Variants in PPARGC1A observed in about 807,000 individuals in gnomAD.
The protein encoded by PPARGC1A is PPARG coactivator 1 alpha, also known as peroxisome proliferator-activated receptor gamma coactivator 1-alpha.
In PPARGC1A, 25 loss-of-function variants were observed where a neutral mutation model predicts 88.7. The observed-to-expected ratio is 0.28, with a 90% confidence interval of 0.21 to 0.39. The LOEUF (loss-of-function observed/expected upper bound fraction) is 0.39. PPARGC1A is among the 10% of genes least tolerant of loss of function. The pLI, the probability that PPARGC1A is intolerant of heterozygous loss-of-function variation, is 1.00. For synonymous variants in PPARGC1A, 363 were observed against 355.6 expected, an observed-to-expected ratio of 1.02 and a Z score of -0.24; for missense variants, 880 against 968.7, an observed-to-expected ratio of 0.91 and a Z score of 1.22.
chr4:24,307,208 ATG>A, the PPARGC1A span, among the ~76,000 whole-genome samples: 1 of 152,164 alleles, frequency 6.6e-6, no homozygotes, highest in South Asian at 2.1e-4. Context: ...CAGCAGTACC[ATG>A]GAAAGGGGAT....
the PPARGC1A span, among the ~76,000 whole-genome samples, chr4:24,447,166 C>T: frequency 1.3e-5 from 2 of 152,164 alleles, no homozygotes; most frequent in Non-Finnish European, 2.9e-5. Flanking sequence ...CACTCTCCTC[C>T]CTCCCCTGCC....
chr4:23,900,114 T>C (rs1185262463), upstream of PPARGC1A, among the ~76,000 whole-genome samples: 1 of 152,196 alleles, frequency 6.6e-6, no homozygotes, highest in Non-Finnish European at 1.5e-5. Context: ...ACTTGATGTC[T>C]AGGCTTGTTT....
intron 2 of PPARGC1A, among the ~76,000 whole-genome samples, chr4:23,878,308 T>G (rs2148810104): frequency 6.6e-6 from 1 of 151,522 alleles, no homozygotes; most frequent in African/African-American, 2.4e-5. Flanking sequence ...ACATTCTCAC[T>G]TTGCAAACTG....
chr4:24,457,132 A>G, the PPARGC1A span, among the ~76,000 whole-genome samples: 2 of 152,198 alleles, frequency 1.3e-5, no homozygotes, highest in African/African-American at 4.8e-5. Flanking sequence ...GATTATGGCA[A>G]AGGAATGTTT....
chr4:23,998,671 GAT>G, the PPARGC1A span, among the ~76,000 whole-genome samples: 1 of 152,140 alleles, frequency 6.6e-6, no homozygotes, highest in Non-Finnish European at 1.5e-5. Flanking sequence ...GCCAGATATA[GAT>G]ATAATTTTGT....
At position 23,869,746 on chromosome 4, in the gene PPARGC1A, G is replaced by A. The variant is rs557881622; in HGVS notation, c.234+15006C>T. Among the ~76,000 whole-genome samples, 7 of 152,262 alleles carry A rather than the reference G, an allele frequency of 4.6e-5. No homozygotes were observed. The East Asian group carries it at 1.4e-3, about 29-fold the overall frequency. On this transcript the variant is annotated intron_variant, in intron 2 of 12. Coordinates refer to ENST00000264867, the MANE Select transcript of PPARGC1A (RefSeq NM_013261.5). ...ATGCTCCAGATGAATATTTACAAGT[G>A]AGTTGTGCATTGCTGGGGTGGTGGC...
chr4:24,236,307 C>T, the PPARGC1A span, among the ~76,000 whole-genome samples: 1 of 152,178 alleles, frequency 6.6e-6, no homozygotes, highest in Admixed American at 6.5e-5. Context: ...CATGTATTCT[C>T]TTGTGGGCTT....
chr4:24,219,249 C>T, the PPARGC1A span, among the ~76,000 whole-genome samples: 10 of 152,190 alleles, frequency 6.6e-5, no homozygotes, highest in East Asian at 9.6e-4. Flanking sequence ...AGCACACCAA[C>T]GGGGTGGTCA....
the PPARGC1A span, among the ~76,000 whole-genome samples, chr4:24,227,782 A>G: frequency 2.6e-5 from 4 of 152,170 alleles, no homozygotes; most frequent in African/African-American, 7.2e-5. Flanking sequence ...AAAATCAGAC[A>G]TTAATGAAAA....
the PPARGC1A span, among the ~76,000 whole-genome samples, chr4:24,341,776 A>G: frequency 6.6e-6 from 1 of 152,224 alleles, no homozygotes; most frequent in Non-Finnish European, 1.5e-5. Flanking sequence ...CAACACACAC[A>G]TTCCATGAAA....
the PPARGC1A span, among the ~76,000 whole-genome samples, chr4:24,018,223 C>T: frequency 6.6e-6 from 1 of 152,186 alleles, no homozygotes; most frequent in Non-Finnish European, 1.5e-5. Flanking sequence ...TTAGACCCAA[C>T]TATTTCAATA....
At chr4:24,420,639 C>T in the PPARGC1A span, among the ~76,000 whole-genome samples, 2 of 152,118 alleles carry the variant, frequency 1.3e-5, no homozygotes, top group Non-Finnish European at 2.9e-5. Context: ...CTGAGATCCA[C>T]CCTAGACTAA....
the PPARGC1A span, among the ~76,000 whole-genome samples, chr4:24,261,327 C>A: frequency 6.6e-6 from 1 of 152,178 alleles, no homozygotes; most frequent in Non-Finnish European, 1.5e-5. Context: ...GAGCAAATGG[C>A]TCAATCTTCA....
At chr4:23,892,974 C>A (rs1282325697), upstream of PPARGC1A, among the ~76,000 whole-genome samples, 2 of 152,152 alleles carry the variant, frequency 1.3e-5, no homozygotes, top group Admixed American at 6.6e-5. Flanking sequence ...TTGACCACTG[C>A]AGTTCACACC....
At chr4:24,228,632 C>T in the PPARGC1A span, among the ~76,000 whole-genome samples, 2 of 151,996 alleles carry the variant, frequency 1.3e-5, no homozygotes, top group Non-Finnish European at 2.9e-5. Flanking sequence ...CTCATGTACC[C>T]TCTGAATCTA....
the PPARGC1A span, among the ~76,000 whole-genome samples, chr4:24,407,369 G>T: frequency 2.0e-5 from 3 of 152,196 alleles, no homozygotes; most frequent in Non-Finnish European, 4.4e-5. Flanking sequence ...CGTCATCCCT[G>T]CCTCCTTTAC....
chr4:23,859,196 G>A (rs1730764101), intron 2 of PPARGC1A, among the ~76,000 whole-genome samples: 1 of 152,086 alleles, frequency 6.6e-6, no homozygotes, highest in African/African-American at 2.4e-5. Context: ...TCTTTAGGTT[G>A]CCTCTGTTAA....
At chr4:24,009,777 C>T in the PPARGC1A span, among the ~76,000 whole-genome samples, 21 of 152,298 alleles carry the variant, frequency 1.4e-4, 1 homozygote, top group South Asian at 4.4e-3. Flanking sequence ...AGCTCTGGTC[C>T]CAGCAATGGG....
the PPARGC1A span, among the ~76,000 whole-genome samples, chr4:23,918,810 A>G: frequency 6.6e-6 from 1 of 152,054 alleles, no homozygotes; most frequent in Non-Finnish European, 1.5e-5. Flanking sequence ...GGGCTCTGGA[A>G]AAGTACTGCA....
Sources: gnomAD v4.1 joint callset for allele counts (sites outside exome capture counted in the v4.1 genomes callset) on GRCh38, gnomAD v4.1.1 for gene constraint, MANE v1.5 for transcripts, NCBI Gene and HGNC (gene_info 2026-07-23, HGNC 2026-07-21) for gene names.